Variants in SEPTIN7 observed in about 807,000 individuals in gnomAD.
The protein encoded by SEPTIN7 is septin 7.
In SEPTIN7, 10 loss-of-function variants were observed where a neutral mutation model predicts 63.3. That is an observed-to-expected ratio of 0.16 (90% CI 0.10 to 0.27). SEPTIN7 has a LOEUF of 0.27. Among genes scored for constraint, SEPTIN7 ranks in the 10% least tolerant of loss-of-function variants. The pLI, the probability that SEPTIN7 is intolerant of heterozygous loss-of-function variation, is 1.00. For synonymous variants in SEPTIN7, 131 were observed against 165.3 expected (o/e 0.79, Z 1.59); for missense variants, 310 against 521.0 (o/e 0.59, Z 3.94).
chr7:35,873,603 T>C, intron 5 of SEPTIN7, 38 bp from the exon 6 acceptor site: 1 of 1,582,428 alleles, frequency 6.3e-7, no homozygotes. Context: ...AATTCATATG[T>C]AGAATTGCAG....
intron 1 of SEPTIN7, among the ~76,000 whole-genome samples, chr7:35,821,549 G>A (rs756187943): frequency 1.3e-5 from 2 of 152,028 alleles, no homozygotes; most frequent in Non-Finnish European, 2.9e-5. Context: ...ACTATTATGA[G>A]CAGTGCTTTG....
At chr7:35,879,493 A>C (rs1786700484) in intron 6 of SEPTIN7, 2 of 165,068 alleles carry the variant, frequency 1.2e-5, no homozygotes, top group African/African-American at 5.0e-5. Context: ...AATTAAATAA[A>C]AAAAAAAAAA....
At chr7:35,857,821 A>G (rs1321897062) in intron 3 of SEPTIN7, among the ~76,000 whole-genome samples, 1 of 152,208 alleles carries the variant, frequency 6.6e-6, no homozygotes, top group Non-Finnish European at 1.5e-5. Flanking sequence ...TGAGGTGTAC[A>G]TACTGTTTAG....
rs376517688 is a variant in SEPTIN7 at position 35,803,919 on chromosome 7, A to G, written c.61+2649A>G. ...AGTGTTTTGAAGACTGCAGGTTGTG[A>G]CCCATTAGTGGACATTGCACTTAAT... On this transcript the variant is annotated intron_variant, in intron 1 of 13. Transcript: ENST00000350320. Among the ~76,000 whole-genome samples, 5 of 152,166 alleles carry G rather than the reference A, an allele frequency of 3.3e-5. No individual in the cohort carries two copies. In the East Asian group the frequency reaches 9.6e-4, roughly 29 times the overall value.
At chr7:35,884,617 C>T (rs547207429) in intron 9 of SEPTIN7, among the ~76,000 whole-genome samples, 3 of 152,214 alleles carry the variant, frequency 2.0e-5, no homozygotes, top group Non-Finnish European at 2.9e-5. Flanking sequence ...TCACTTTTAT[C>T]GGAACGTCAG....
chr7:35,844,832 A>G (rs1784576819), intron 3 of SEPTIN7, among the ~76,000 whole-genome samples: 1 of 152,106 alleles, frequency 6.6e-6, no homozygotes, highest in South Asian at 2.1e-4. Context: ...CCAACTCCTG[A>G]CTACAAGTGA....
chr7:35,907,206 A>C (rs1400344051), downstream of SEPTIN7: 5 of 152,222 alleles, frequency 3.3e-5, no homozygotes. Context: ...GGAAGGTCCT[A>C]GTGAAGACTG....
intron 1 of SEPTIN7, among the ~76,000 whole-genome samples, chr7:35,817,737 A>G (rs114979183): frequency 3.9e-5 from 6 of 152,156 alleles, no homozygotes; most frequent in East Asian, 1.9e-4. Context: ...GTTCTCATGT[A>G]TAAGACTTAC....
rs372569597 is a variant in SEPTIN7, at chr7:35,832,863, G to A, written c.132G>A (p.Ser44=). The part of the protein sequence containing the change: ...ANLPNQVYRK[S]VKRGFEFTLM... ...TCCCAAATCAAGTATACAGAAAATC[G>A]GTGAAGAGAGGTTTTGAATTCACGC... The change falls in exon 3 of 14, where the codon TCG becomes TCA. Residue 44 remains serine (S), a synonymous_variant. Coordinates refer to ENST00000350320, the MANE Select transcript of SEPTIN7 (RefSeq NM_001788.6). 9.9e-6 allele frequency: 16 copies of A among 1,609,000 alleles called. No homozygotes were observed. The highest frequency in any genetic ancestry group is 1.6e-4 in the Middle Eastern group (1 of 6,066).
chr7:35,829,125 C>CTTCTTTTTTTTT (rs1783678285), intron 1 of SEPTIN7, among the ~76,000 whole-genome samples: 1 of 90,518 alleles, frequency 1.1e-5, no homozygotes, highest in Non-Finnish European at 2.3e-5. Context: ...GTTCATGGAC[C>CTTCTTTTTTTTT]TTCTTTTTTT....
chr7:35,904,205 T>C (rs368801092), intron 13 of SEPTIN7, 49 bp from the exon 14 acceptor site: 23 of 1,391,454 alleles, frequency 1.7e-5, no homozygotes, highest in African/African-American at 1.2e-4. Context: ...TTGTCTATCA[T>C]GTTTATAAAA....
At chr7:35,856,470 C>T (rs1050350398) in intron 3 of SEPTIN7, among the ~76,000 whole-genome samples, 2 of 152,180 alleles carry the variant, frequency 1.3e-5, no homozygotes, top group Non-Finnish European at 2.9e-5. Context: ...TTTAACTTAG[C>T]TGGGTAAACA....
intron 3 of SEPTIN7, among the ~76,000 whole-genome samples, chr7:35,848,610 AT>A (rs1441998357): frequency 6.6e-6 from 1 of 152,198 alleles, no homozygotes; most frequent in Non-Finnish European, 1.5e-5. Flanking sequence ...CATAGACTGT[AT>A]TTAAACCGTC....
At chr7:35,817,785 C>G (rs1181399922) in intron 1 of SEPTIN7, among the ~76,000 whole-genome samples, 1 of 151,522 alleles carries the variant, frequency 6.6e-6, no homozygotes, top group Non-Finnish European at 1.5e-5. Context: ...GTATTTTATT[C>G]TTGATGCTAT....
intron 13 of SEPTIN7, 30 bp from the exon 14 acceptor site, chr7:35,904,224 C>T: frequency 2.0e-6 from 3 of 1,502,974 alleles, no homozygotes; most frequent in Non-Finnish European, 2.7e-6. Context: ...AATGGTTACT[C>T]ATCTTGCTTA....
In SEPTIN7 at chr7:35,826,416, A is replaced by T. The variant is rs183610911; in HGVS notation, c.62-5076A>T. Among the ~76,000 whole-genome samples, 1,000 of 150,124 alleles carry T rather than the reference A, an allele frequency of 6.7e-3. 13 individuals carry two copies. The highest frequency in any genetic ancestry group is 0.023 in the African/African-American group (958 of 41,222). ...ATATTTATATATATATATATTTTTT[A>T]AAATCCAAAGGGAGGCAGATTGGAG... On this transcript the variant is annotated intron_variant, in intron 1 of 13. Transcript: ENST00000350320.
At chr7:35,859,650 GCGTTACATAATTTAA>G (rs1407147078) in intron 3 of SEPTIN7, among the ~76,000 whole-genome samples, 2 of 152,020 alleles carry the variant, frequency 1.3e-5, no homozygotes, top group Non-Finnish European at 2.9e-5. Context: ...ACCAATCTTT[GCGTTACATAATTTAA>G]AGTTCTGATG....
chr7:35,878,791 G>A (rs1243842884), intron 6 of SEPTIN7, among the ~76,000 whole-genome samples: 2 of 152,120 alleles, frequency 1.3e-5, no homozygotes, highest in Admixed American at 6.5e-5. Flanking sequence ...GAAAATGGGG[G>A]TTCAGATGAG....
intron 3 of SEPTIN7, among the ~76,000 whole-genome samples, chr7:35,858,296 A>G (rs1356756586): frequency 6.6e-6 from 1 of 151,764 alleles, no homozygotes; most frequent in Non-Finnish European, 1.5e-5. Context: ...TTTATTCTCA[A>G]TCTAGTTTAT....
Sources: allele counts gnomAD v4.1 joint callset (sites outside exome capture counted in the v4.1 genomes callset), GRCh38; gene constraint gnomAD v4.1.1; transcripts MANE v1.5; gene names NCBI Gene and HGNC (gene_info 2026-07-23, HGNC 2026-07-21).